ZNF184: variants seen among roughly 807,000 people sequenced by gnomAD.
The protein encoded by ZNF184 is zinc finger protein 184 (Kruppel-like).
Under a neutral mutation model 54.4 loss-of-function variants are expected in ZNF184, and 16 were observed. The observed-to-expected ratio is 0.29, with a 90% CI of 0.20 to 0.45. The LOEUF is 0.45. ZNF184 is among the 20% of genes least tolerant of loss of function. The pLI, the probability that ZNF184 is intolerant of heterozygous loss-of-function variation, is 1.00. For synonymous variants in ZNF184, 254 were observed against 295.3 expected, an observed-to-expected ratio of 0.86 and a Z score of 1.43; for missense variants, 681 against 888.2, an observed-to-expected ratio of 0.77 and a Z score of 2.97.
At chr6:27,419,251 C>T in the ZNF184 span, among the ~76,000 whole-genome samples, 1 of 152,094 alleles carries the variant, frequency 6.6e-6, no homozygotes, top group Non-Finnish European at 1.5e-5. The surrounding 1 kb of genome is among the most constrained non-coding windows in gnomAD (Gnocchi z 4.8). Context: ...GATTACAGGC[C>T]TGCACTACCA....
At chr6:27,406,155 T>G in the ZNF184 span, 1 of 152,376 alleles carries the variant, frequency 6.6e-6, no homozygotes, top group Middle Eastern at 3.4e-3. Context: ...GAAGGCAAAC[T>G]GTTCCTGGCT....
chr6:27,425,990 C>G, the ZNF184 span, among the ~76,000 whole-genome samples: 1 of 152,322 alleles, frequency 6.6e-6, no homozygotes, highest in African/African-American at 2.4e-5. Context: ...TTCAAGCACA[C>G]TGGTGTATTT....
chr6:27,470,789 A>G (rs910138147), intron 2 of ZNF184, among the ~76,000 whole-genome samples: 26 of 152,198 alleles, frequency 1.7e-4, no homozygotes, highest in African/African-American at 6.3e-4. Flanking sequence ...ATTACAAGGA[A>G]CAGAGGCTCA....
chr6:27,431,852 C>A, the ZNF184 span, among the ~76,000 whole-genome samples: 88,667 of 151,944 alleles, frequency 0.58, 26,402 homozygotes, highest in Middle Eastern at 0.74. Context: ...GGATGCCCCA[C>A]AACCACCCCA....
In ZNF184 at chr6:27,465,923, C is replaced by T. The variant is rs139890763; in HGVS notation, c.75+1930G>A. Among the ~76,000 whole-genome samples the T allele has an allele frequency of 5.6e-4, 86 of 152,282 alleles. 2 individuals carry two copies. The East Asian group carries it at 0.015, about 27-fold the overall frequency. ...TATCTGTGGTATACAGAACAAAGCC[C>T]TCCCAAAGATGTCCATGTCCCAACC... is the stretch of plus-strand genomic sequence containing the variant. On this transcript the variant is annotated intron_variant, in intron 3 of 5. Transcript: ENST00000683788.
Position 27,451,299 on chromosome 6 carries a change from A to G in ZNF184, c.*4T>C, listed in dbSNP as rs768076144. 4 of 1,576,670 alleles carry G rather than the reference A, an allele frequency of 2.5e-6. No homozygotes were observed. In the African/African-American group the frequency reaches 4.1e-5, roughly 16 times the overall value. ...CCCCTAAATTTATGATGTTCCTAGA[A>G]TTGTCATATGCCAGGATGCAGTCTC... On this transcript the variant is annotated 3_prime_UTR_variant, in exon 6 of 6. Transcript: ENST00000683788.
chr6:27,422,141 A>AG, the ZNF184 span, among the ~76,000 whole-genome samples: 2 of 47,984 alleles, frequency 4.2e-5, no homozygotes, highest in African/African-American at 1.3e-4. Context: ...GCCGTACCTC[A>AG]AAAAAAAAAA....
At chr6:27,449,949 T>G (rs1407882988), downstream of ZNF184, among the ~76,000 whole-genome samples, 1 of 151,822 alleles carries the variant, frequency 6.6e-6, no homozygotes, top group Non-Finnish European at 1.5e-5. Context: ...GGAGAAAAAA[T>G]GGTAAATATG....
At chr6:27,411,507 A>G in the ZNF184 span, among the ~76,000 whole-genome samples, 5 of 152,338 alleles carry the variant, frequency 3.3e-5, no homozygotes, top group African/African-American at 1.2e-4. Flanking sequence ...TTTCTGACAT[A>G]TACTCAGCAG....
chr6:27,454,043 A>T (rs1358223752), intron 5 of ZNF184, among the ~76,000 whole-genome samples: 1 of 152,194 alleles, frequency 6.6e-6, no homozygotes, highest in Non-Finnish European at 1.5e-5. Context: ...CAATGAAAGA[A>T]AGCAGTTTAT....
the ZNF184 span, among the ~76,000 whole-genome samples, chr6:27,409,764 T>C: frequency 6.6e-6 from 1 of 152,138 alleles, no homozygotes; most frequent in Admixed American, 6.6e-5. Flanking sequence ...CAGCCTAATG[T>C]ACAGTGTTTA....
intron 3 of ZNF184, among the ~76,000 whole-genome samples, chr6:27,465,505 A>AAAAAAAAAAC: frequency 6.7e-6 from 1 of 149,898 alleles, no homozygotes; most frequent in Non-Finnish European, 1.5e-5. Context: ...AAAAAAAAAA[A>AAAAAAAAAAC]AAAAGCAAAA....
chr6:27,426,284 C>A, the ZNF184 span, among the ~76,000 whole-genome samples: 1,701 of 152,324 alleles, frequency 0.011, 38 homozygotes, highest in African/African-American at 0.039. The surrounding 1 kb of genome is among the most constrained non-coding windows in gnomAD (Gnocchi z 4.2). Context: ...AGCAAACATT[C>A]GCTTTTTATT....
At position 27,450,792 on chromosome 6, in the gene ZNF184, A is replaced by C. The variant is rs1261987237; in HGVS notation, c.*511T>G. On this transcript the variant is annotated 3_prime_UTR_variant, in exon 6 of 6. Coordinates refer to ENST00000683788, the MANE Select transcript of ZNF184 (RefSeq NM_001318891.2). ...AATATTCTTACTGAGTTAGGCTATT[A>C]TATGCAATTGAATTGTTAATTTGAG... 1 of 151,078 alleles carries C rather than the reference A, an allele frequency of 6.6e-6. No individual in the cohort carries two copies. The highest frequency in any genetic ancestry group is 1.5e-5 in the Non-Finnish European group (1 of 67,936). 9.4% of individuals were successfully genotyped at this position (151,078 alleles called of 1,614,324 possible).
chr6:27,428,237 A>G, the ZNF184 span, among the ~76,000 whole-genome samples: 3 of 152,290 alleles, frequency 2.0e-5, no homozygotes, highest in East Asian at 3.9e-4. The surrounding 1 kb of genome is among the most constrained non-coding windows in gnomAD (Gnocchi z 4.1). Flanking sequence ...CCAGTTTTTC[A>G]TCTTTCTCTC....
chr6:27,462,795 G>A (rs1030419972), intron 3 of ZNF184, among the ~76,000 whole-genome samples: 31 of 151,058 alleles, frequency 2.1e-4, no homozygotes, highest in Admixed American at 2.0e-4. Flanking sequence ...AACCCAGGAG[G>A]CAGAGGTTGC....
At chr6:27,411,892 C>T in the ZNF184 span, among the ~76,000 whole-genome samples, 3 of 152,208 alleles carry the variant, frequency 2.0e-5, no homozygotes, top group South Asian at 2.1e-4. Flanking sequence ...TGCCCAGGGC[C>T]CCTAGCCCAT....
rs1179211701 is a variant in ZNF184 at position 27,452,019 on chromosome 6, G to C, written c.1540C>G (p.Leu514Val). ...CSECGKAFSY[L>V]SNLNQHQKTH... ...TTCTGATGCTGATTAAGGTTTGAGA[G>C]ATAACTGAAAGCCTTTCCACATTCA... Residue 514 changes from leucine (L) to valine (V), a missense_variant, in exon 6 of 6, where the codon CTC becomes GTC. By Grantham distance (32) the Leu-to-Val change is conservative (BLOSUM62 1). Transcript: ENST00000683788. This position sits in a 1 kb window ranked among gnomAD's most constrained non-coding sequence, Gnocchi z 5.5. The C allele has an allele frequency of 6.2e-7, 1 of 1,613,946 alleles. No homozygotes were observed. Among genetic ancestry groups the C allele is most frequent in the Non-Finnish European group, 8.5e-7 (1 of 1,180,012 alleles).
the ZNF184 span, among the ~76,000 whole-genome samples, chr6:27,407,482 ACT>A: frequency 1.3e-5 from 2 of 151,820 alleles, no homozygotes; most frequent in Non-Finnish European, 2.9e-5. Context: ...CAGTAGCTTC[ACT>A]CTCTCTCTGG....
Sources: gnomAD v4.1 joint callset for allele counts (sites outside exome capture counted in the v4.1 genomes callset) on GRCh38, gnomAD v4.1.1 for gene constraint, Gnocchi (gnomAD v3.1) non-coding constraint, MANE v1.5 for transcripts, NCBI Gene and HGNC (gene_info 2026-07-23, HGNC 2026-07-21) for gene names.